The following DIP2B variants were observed in gnomAD, a reference collection of about 807,000 sequenced individuals.
The protein encoded by DIP2B is DIP2 acetate--CoA ligase B (putative).
Under a neutral mutation model 198.0 loss-of-function variants are expected in DIP2B, and 76 were observed. The ratio of observed to expected loss-of-function variants is 0.38; its 90% CI spans 0.32 to 0.46. DIP2B has a LOEUF of 0.46. DIP2B is among the 20% of genes least tolerant of loss of function. The pLI is 0.99. For missense variants in DIP2B, 1,559 were observed against 1,978.4 expected (o/e 0.79, Z 4.02); for synonymous variants, 701 against 739.1 (o/e 0.95, Z 0.84).
At chr12:50,642,050 A>G (rs1035432007) in intron 3 of DIP2B, among the ~76,000 whole-genome samples, 12 of 152,138 alleles carry the variant, frequency 7.9e-5, no homozygotes, top group African/African-American at 2.7e-4. Context: ...GAGCTACATC[A>G]GCTATTTTGT....
At chr12:50,720,015 C>T (rs1229683610) in intron 25 of DIP2B, among the ~76,000 whole-genome samples, 1 of 150,832 alleles carries the variant, frequency 6.6e-6, no homozygotes, top group Non-Finnish European at 1.5e-5. Flanking sequence ...AGTGCAACCT[C>T]TGCCTCCTGG....
intron 1 of DIP2B, among the ~76,000 whole-genome samples, chr12:50,596,276 GA>G (rs541456837): frequency 5.9e-5 from 9 of 152,326 alleles, no homozygotes; most frequent in African/African-American, 1.7e-4. Context: ...AAAATTGGGA[GA>G]GGGTCTTATG....
intron 1 of DIP2B, among the ~76,000 whole-genome samples, chr12:50,518,298 C>A (rs371091326): frequency 6.6e-6 from 1 of 151,204 alleles, no homozygotes; most frequent in African/African-American, 2.4e-5. Context: ...GACCTCAGCT[C>A]GCTGCAAGCT....
intron 23 of DIP2B, 50 bp downstream of exon 23, chr12:50,714,646 G>A: frequency 6.2e-7 from 1 of 1,602,166 alleles, no homozygotes; most frequent in East Asian, 2.2e-5. Flanking sequence ...ACTTCAAGAA[G>A]CTGGGTTCTC....
chr12:50,566,879 GGAGAATGGT>G (rs1292027728), intron 1 of DIP2B, among the ~76,000 whole-genome samples: 1 of 151,778 alleles, frequency 6.6e-6, no homozygotes, highest in East Asian at 1.9e-4. Context: ...GGCTGAGGCA[GGAGAATGGT>G]GTGAACCCCG....
intron 1 of DIP2B, among the ~76,000 whole-genome samples, chr12:50,590,255 T>C (rs1332045533): frequency 1.3e-5 from 2 of 152,100 alleles, no homozygotes; most frequent in Non-Finnish European, 2.9e-5. Context: ...TGCCTTGGCC[T>C]CCCAAAATTC....
chr12:50,534,576 C>G (rs1282737288), intron 1 of DIP2B, among the ~76,000 whole-genome samples: 1 of 151,816 alleles, frequency 6.6e-6, no homozygotes, highest in Non-Finnish European at 1.5e-5. Context: ...GTTGGTCAGG[C>G]TGGTCTTGAA....
intron 2 of DIP2B, among the ~76,000 whole-genome samples, chr12:50,629,026 G>A (rs968933191): frequency 1.3e-5 from 2 of 152,094 alleles, no homozygotes; most frequent in Non-Finnish European, 2.9e-5. Flanking sequence ...CTACAGGCAT[G>A]AGCTCCCACA....
Position 50,678,719 on chromosome 12 carries a change from G to A in DIP2B, c.957G>A (p.Arg319=), listed in dbSNP as rs749522766. The change falls in exon 8 of 38, where the codon CGG becomes CGA. Residue 319 remains arginine, a synonymous_variant. Coordinates refer to ENST00000301180, the MANE Select transcript of DIP2B (RefSeq NM_173602.3). ...CCAACCAGCCCAAGCCGGAGGGACG[G>A]CAGATGACCCCTGTGAAAGGAGAGC... is the stretch of plus-strand genomic sequence containing the variant. ...PDPNQPKPEG[R]QMTPVKGEPL... 4 of 1,614,062 alleles carry A rather than the reference G, an allele frequency of 2.5e-6. No homozygotes were observed. The highest frequency in any genetic ancestry group is 2.2e-5 in the South Asian group (2 of 91,086).
At chr12:50,728,116 C>A (rs991014173) in intron 29 of DIP2B, among the ~76,000 whole-genome samples, 16 of 152,210 alleles carry the variant, frequency 1.1e-4, no homozygotes, top group Non-Finnish European at 2.1e-4. Flanking sequence ...CACGGTGGCT[C>A]ACGCCTGTTA....
At chr12:50,694,656 T>C (rs989174483) in intron 14 of DIP2B, among the ~76,000 whole-genome samples, 3 of 148,628 alleles carry the variant, frequency 2.0e-5, no homozygotes, top group African/African-American at 4.9e-5. Flanking sequence ...CCCTGTCTCT[T>C]TTTTTTTTTT....
At chr12:50,561,564 G>A (rs1408135683) in intron 1 of DIP2B, among the ~76,000 whole-genome samples, 4 of 152,068 alleles carry the variant, frequency 2.6e-5, no homozygotes, top group African/African-American at 9.7e-5. Flanking sequence ...TTATGGAAAC[G>A]ATACTCCCGA....
At chr12:50,738,490 T>A (rs1940178088) in intron 35 of DIP2B, among the ~76,000 whole-genome samples, 1 of 150,568 alleles carries the variant, frequency 6.6e-6, no homozygotes, top group Non-Finnish European at 1.5e-5. Flanking sequence ...CTTCGAAAAA[T>A]TTTTTTTTTC....
chr12:50,722,231 A>AT (rs61452037), intron 26 of DIP2B, among the ~76,000 whole-genome samples: 3,111 of 149,216 alleles, frequency 0.021, 30 homozygotes, highest in Admixed American at 0.029. Flanking sequence ...TTGTTCTGTG[A>AT]TTTTTTTTTG....
intron 1 of DIP2B, among the ~76,000 whole-genome samples, chr12:50,543,181 G>A (rs1342875157): frequency 2.0e-5 from 3 of 152,026 alleles, no homozygotes; most frequent in African/African-American, 7.2e-5. Context: ...TCCCAGAGGT[G>A]TCAATGCTAC....
chr12:50,573,456 C>T (rs1958632860), intron 1 of DIP2B, among the ~76,000 whole-genome samples: 1 of 152,056 alleles, frequency 6.6e-6, no homozygotes, highest in Non-Finnish European at 1.5e-5. Flanking sequence ...AGTGTAGATA[C>T]AGACCCATTC....
intron 1 of DIP2B, among the ~76,000 whole-genome samples, chr12:50,611,568 G>A (rs973112001): frequency 6.6e-6 from 1 of 152,148 alleles, no homozygotes; most frequent in African/African-American, 2.4e-5. Context: ...GCAGCTGACT[G>A]TCTTTGTTGA....
intron 23 of DIP2B, among the ~76,000 whole-genome samples, chr12:50,718,373 T>A (rs1008478398): frequency 1.3e-5 from 2 of 152,120 alleles, no homozygotes; most frequent in African/African-American, 2.4e-5. Context: ...AGCTATCACC[T>A]CCTCAGAGTG....
intron 1 of DIP2B, among the ~76,000 whole-genome samples, chr12:50,556,812 T>C (rs1958475801): frequency 6.6e-6 from 1 of 152,008 alleles, no homozygotes; most frequent in Admixed American, 6.6e-5. Context: ...CAGGTTCAAG[T>C]GATTCTCCTG....
Sources: gnomAD v4.1 joint callset for allele counts (sites outside exome capture counted in the v4.1 genomes callset) on GRCh38, gnomAD v4.1.1 for gene constraint, MANE v1.5 for transcripts, NCBI Gene and HGNC (gene_info 2026-07-23, HGNC 2026-07-21) for gene names.